The following NRG3 variants were observed in gnomAD, a reference collection of about 807,000 sequenced individuals.
NRG3 encodes neuregulin 3.
NRG3 carries 31 observed loss-of-function variants against 66.9 expected under a neutral mutation model. That is an observed-to-expected ratio of 0.46 (90% CI 0.35 to 0.63). The LOEUF (loss-of-function observed/expected upper bound fraction) is 0.63, where lower values mean the gene tolerates loss of function less well. Ranked by LOEUF, NRG3 falls within the 20% of genes least tolerant of loss-of-function variation. The pLI is 0.00. For missense variants in NRG3, 910 were observed against 878.9 expected (o/e 1.04, Z -0.45); for synonymous variants, 393 against 359.4 (o/e 1.09, Z -1.06).
At chr10:82,913,331 A>C (rs917884464) in intron 4 of NRG3, among the ~76,000 whole-genome samples, 1 of 152,220 alleles carries the variant, frequency 6.6e-6, no homozygotes, top group African/African-American at 2.4e-5. Context: ...GTTATCTGTT[A>C]GTTCAAATAA....
intron 1 of NRG3, among the ~76,000 whole-genome samples, chr10:82,040,476 G>GA (rs776736166): frequency 2.0e-5 from 3 of 151,292 alleles, no homozygotes; most frequent in Non-Finnish European, 4.4e-5. Context: ...TTGCCTAACT[G>GA]AAAAATCTCT....
intron 3 of NRG3, among the ~76,000 whole-genome samples, chr10:82,758,654 G>A (rs1280389846): frequency 6.6e-6 from 1 of 151,956 alleles, no homozygotes; most frequent in Non-Finnish European, 1.5e-5. Context: ...CATCTCACCA[G>A]TGAAGGTCTT....
At chr10:81,930,468 G>A (rs1013306840) in intron 1 of NRG3, among the ~76,000 whole-genome samples, 30 of 151,008 alleles carry the variant, frequency 2.0e-4, no homozygotes, top group African/African-American at 6.8e-4. Flanking sequence ...CAGAGCTTTT[G>A]TGCTCTCTTC....
At chr10:82,734,465 G>A (rs2058061187) in intron 2 of NRG3, among the ~76,000 whole-genome samples, 4 of 152,122 alleles carry the variant, frequency 2.6e-5, no homozygotes, top group Admixed American at 2.6e-4. Context: ...CTGTGGGGAA[G>A]GGAAGGTCCT....
At chr10:82,735,467 T>C (rs1270941875) in intron 2 of NRG3, among the ~76,000 whole-genome samples, 1 of 152,220 alleles carries the variant, frequency 6.6e-6, no homozygotes, top group African/African-American at 2.4e-5. Flanking sequence ...AGTGTTTTTA[T>C]TGCAACACTA....
chr10:82,223,642 A>ACACAC (rs2076037746), intron 1 of NRG3, among the ~76,000 whole-genome samples: 1 of 137,926 alleles, frequency 7.3e-6, no homozygotes, highest in African/African-American at 2.8e-5. Context: ...AACCACCCCA[A>ACACAC]ACACACACAC....
intron 4 of NRG3, among the ~76,000 whole-genome samples, chr10:82,895,780 C>A (rs117508708): frequency 1.3e-5 from 2 of 152,124 alleles, no homozygotes; most frequent in African/African-American, 4.8e-5. Flanking sequence ...CGTGAGCCAC[C>A]GCGCCCTACC....
chr10:82,068,210 G>T (rs904829525), intron 1 of NRG3, among the ~76,000 whole-genome samples: 1 of 152,180 alleles, frequency 6.6e-6, no homozygotes, highest in African/African-American at 2.4e-5. Flanking sequence ...GCAGCTTACA[G>T]TAGAACATAA....
intron 1 of NRG3, among the ~76,000 whole-genome samples, chr10:82,041,272 A>G (rs1450044670): frequency 2.6e-5 from 4 of 152,008 alleles, no homozygotes; most frequent in African/African-American, 7.2e-5. Context: ...TGAGCAGTGA[A>G]GGTTTACAAG....
intron 3 of NRG3, among the ~76,000 whole-genome samples, chr10:82,757,248 C>T (rs775640359): frequency 3.1e-4 from 47 of 152,012 alleles, no homozygotes; most frequent in Non-Finnish European, 7.4e-5. Context: ...TTTCTATGTA[C>T]TGGAGAGTTT....
chr10:82,967,619 G>A (rs528786273), intron 6 of NRG3, among the ~76,000 whole-genome samples: 13 of 152,210 alleles, frequency 8.5e-5, no homozygotes, highest in African/African-American at 2.9e-4. Context: ...CCTCTCTTAC[G>A]TGAGACGGAA....
At chr10:81,929,880 G>T (rs1204995386) in intron 1 of NRG3, among the ~76,000 whole-genome samples, 3 of 152,166 alleles carry the variant, frequency 2.0e-5, no homozygotes, top group African/African-American at 7.2e-5. Flanking sequence ...TTCATTTCAA[G>T]AATACTGTAA....
chr10:82,304,132 A>G (rs371760492), intron 1 of NRG3, among the ~76,000 whole-genome samples: 1 of 152,176 alleles, frequency 6.6e-6, no homozygotes, highest in African/African-American at 2.4e-5. Context: ...CACTAGAAAT[A>G]TATGGAAATC....
At chr10:82,388,435 T>C (rs1009581033) in intron 2 of NRG3, among the ~76,000 whole-genome samples, 1 of 152,100 alleles carries the variant, frequency 6.6e-6, no homozygotes, top group African/African-American at 2.4e-5. Context: ...AGAAGGAAAA[T>C]AGGTGGCTGT....
At chr10:82,603,025 G>A (rs1041682934) in intron 2 of NRG3, among the ~76,000 whole-genome samples, 4 of 152,188 alleles carry the variant, frequency 2.6e-5, no homozygotes, top group African/African-American at 9.6e-5. Flanking sequence ...TAACAAATTG[G>A]TAAATGTAAC....
At chr10:82,835,810 T>C (rs72819685) in intron 3 of NRG3, among the ~76,000 whole-genome samples, 446 of 152,294 alleles carry the variant, frequency 2.9e-3, no homozygotes, top group Non-Finnish European at 5.3e-3. Context: ...TGAACCATTA[T>C]TGGGGACTGT....
intron 4 of NRG3, among the ~76,000 whole-genome samples, chr10:82,893,546 G>T (rs887134545): frequency 6.6e-6 from 1 of 152,080 alleles, no homozygotes; most frequent in African/African-American, 2.4e-5. Flanking sequence ...AAATTTGCTG[G>T]GTGTGTTGGC....
At chr10:82,454,600 T>C (rs1294943357) in intron 2 of NRG3, among the ~76,000 whole-genome samples, 1 of 152,146 alleles carries the variant, frequency 6.6e-6, no homozygotes, top group African/African-American at 2.4e-5. Flanking sequence ...GCACAACCAT[T>C]CAGATAAAAA....
chr10:82,204,294 T>C (rs1007598988), intron 1 of NRG3, among the ~76,000 whole-genome samples: 4 of 152,196 alleles, frequency 2.6e-5, no homozygotes, highest in Non-Finnish European at 4.4e-5. Context: ...TTCTTTCTTA[T>C]ACTTATCACA....
Sources: gnomAD v4.1 joint callset for allele counts (sites outside exome capture counted in the v4.1 genomes callset) on GRCh38, gnomAD v4.1.1 for gene constraint, MANE v1.5 for transcripts, NCBI Gene and HGNC (gene_info 2026-07-23, HGNC 2026-07-21) for gene names.